PPP2R5A: variants seen among roughly 807,000 people sequenced by gnomAD.
The protein encoded by PPP2R5A is serine/threonine-protein phosphatase 2A 56 kDa regulatory subunit alpha isoform.
A neutral mutation model predicts 64.2 loss-of-function variants in PPP2R5A; 25 were observed. That is an observed-to-expected ratio of 0.39 (90% CI 0.28 to 0.54). PPP2R5A has a LOEUF of 0.54. Ranked by LOEUF, PPP2R5A falls within the 20% of genes least tolerant of loss-of-function variation. The probability of loss-of-function intolerance (pLI) is 0.67; values close to 1 mark genes in which losing one functional copy is unlikely to be tolerated. For missense variants in PPP2R5A, 425 were observed against 576.3 expected (o/e 0.74, Z 2.69); for synonymous variants, 198 against 201.2 (o/e 0.98, Z 0.13).
intron 1 of PPP2R5A, chr1:212,301,980 A>T: frequency 5.0e-6 from 7 of 1,409,196 alleles, no homozygotes; most frequent in Non-Finnish European, 6.6e-6. Context: ...TTATCCTTAA[A>T]TGTAGAGGAT....
chr1:212,354,417 G>A (rs1257778873), intron 8 of PPP2R5A, among the ~76,000 whole-genome samples: 1 of 152,092 alleles, frequency 6.6e-6, no homozygotes, highest in Non-Finnish European at 1.5e-5. Flanking sequence ...GGTTGCTCAT[G>A]TCTGTAATCC....
intron 5 of PPP2R5A, among the ~76,000 whole-genome samples, chr1:212,346,254 T>C (rs1659775646): frequency 6.6e-6 from 1 of 152,020 alleles, no homozygotes; most frequent in Non-Finnish European, 1.5e-5. Context: ...ATAGTATATA[T>C]GTGTAACATA....
At chr1:212,322,014 C>G (rs867725725) in intron 1 of PPP2R5A, among the ~76,000 whole-genome samples, 3 of 150,112 alleles carry the variant, frequency 2.0e-5, no homozygotes, top group African/African-American at 7.3e-5. Context: ...AGCGAAACCC[C>G]GTCTCCACCA....
intron 1 of PPP2R5A, among the ~76,000 whole-genome samples, chr1:212,322,533 A>T (rs1659326655): frequency 6.6e-6 from 1 of 152,132 alleles, no homozygotes; most frequent in Non-Finnish European, 1.5e-5. Flanking sequence ...TACTATAAAA[A>T]TGTTTTTGAC....
chr1:212,295,717 G>C (rs949654597), intron 1 of PPP2R5A, among the ~76,000 whole-genome samples: 2 of 152,160 alleles, frequency 1.3e-5, no homozygotes, highest in African/African-American at 4.8e-5. Context: ...TGGGGGATGG[G>C]TGGGGAAAGT....
At chr1:212,320,817 C>T (rs1454382426) in intron 1 of PPP2R5A, among the ~76,000 whole-genome samples, 5 of 139,714 alleles carry the variant, frequency 3.6e-5, no homozygotes, top group African/African-American at 5.3e-5. Context: ...GGGGGCTGAC[C>T]CCCCCACCTC....
chr1:212,339,246 C>T (rs1325322425), intron 3 of PPP2R5A, among the ~76,000 whole-genome samples: 7 of 152,254 alleles, frequency 4.6e-5, no homozygotes, highest in Middle Eastern at 3.4e-3. Context: ...GGAGTAATCT[C>T]GGCTCACTGC....
chr1:212,360,582 C>T, intron 12 of PPP2R5A, 56 bp from the exon 13 acceptor site: 1 of 1,410,324 alleles, frequency 7.1e-7, no homozygotes. Flanking sequence ...TCAAACAGCA[C>T]CTCTCTTTGG....
intron 12 of PPP2R5A, 50 bp downstream of exon 12, chr1:212,358,837 G>T: frequency 6.9e-7 from 1 of 1,454,034 alleles, no homozygotes; most frequent in South Asian, 1.2e-5. Context: ...TATGTTAGTT[G>T]AATGTGATTC....
At chr1:212,306,533 T>A (rs1658907362) in intron 1 of PPP2R5A, among the ~76,000 whole-genome samples, 2 of 152,322 alleles carry the variant, frequency 1.3e-5, no homozygotes, top group South Asian at 4.1e-4. Context: ...AACATTTACC[T>A]ATTTTTTTAA....
intron 7 of PPP2R5A, 91 bp downstream of exon 7, chr1:212,348,588 T>C: frequency 1.1e-6 from 1 of 906,976 alleles, no homozygotes; most frequent in Non-Finnish European, 1.6e-6. Context: ...GATGACAGTT[T>C]TAAGTATAAT....
intron 8 of PPP2R5A, among the ~76,000 whole-genome samples, chr1:212,353,212 C>G (rs1052000411): frequency 2.0e-5 from 3 of 152,352 alleles, no homozygotes; most frequent in African/African-American, 7.2e-5. Context: ...AGAGCCCACC[C>G]TCAGATCCTT....
chr1:212,343,478 A>G (rs2102441617), intron 4 of PPP2R5A, among the ~76,000 whole-genome samples: 1 of 152,258 alleles, frequency 6.6e-6, no homozygotes, highest in East Asian at 1.9e-4. Flanking sequence ...TTTAGAGCTG[A>G]TCTTTGGTCA....
chr1:212,360,982 TTG>T lies in PPP2R5A; in HGVS notation c.*216_*217del. 2.9e-6 allele frequency: 1 copy of T among 342,284 alleles called. No individual in the cohort carries two copies. The allele number at this position is 342,284 out of a possible 1,614,324, so 21.2% of individuals were successfully genotyped here. A position where few individuals can be genotyped will look rare whatever the true frequency, so the allele number is the denominator to read the frequency against. ...AACCTTTGTCTAATCATTGGATTTATTGTGTCACTTCTGAAGTTTCACAGAAA... is the reference window on the plus strand; with the variant it reads ...AACCTTTGTCTAATCATTGGATTTATTGTCACTTCTGAAGTTTCACAGAAA... On this transcript the variant is annotated 3_prime_UTR_variant, in exon 13 of 13. Coordinates refer to ENST00000261461, the MANE Select transcript of PPP2R5A (RefSeq NM_006243.4).
At chr1:212,300,777 A>T (rs1658786881) in intron 1 of PPP2R5A, among the ~76,000 whole-genome samples, 1 of 152,168 alleles carries the variant, frequency 6.6e-6, no homozygotes, top group Non-Finnish European at 1.5e-5. Context: ...CTTACGTTTA[A>T]TGGAAAGGAA....
intron 1 of PPP2R5A, among the ~76,000 whole-genome samples, chr1:212,309,954 G>T (rs779571091): frequency 6.6e-6 from 1 of 152,154 alleles, no homozygotes; most frequent in African/African-American, 2.4e-5. Flanking sequence ...TACCAACCTT[G>T]TTATTGTCAC....
At chr1:212,332,173 T>C (rs1659516182) in intron 2 of PPP2R5A, among the ~76,000 whole-genome samples, 1 of 152,244 alleles carries the variant, frequency 6.6e-6, no homozygotes, top group Non-Finnish European at 1.5e-5. Flanking sequence ...GTACTGACTT[T>C]GAGTTCTGGC....
chr1:212,359,148 A>G (rs1268088089), intron 12 of PPP2R5A, among the ~76,000 whole-genome samples: 1 of 152,236 alleles, frequency 6.6e-6, no homozygotes, highest in Non-Finnish European at 1.5e-5. Flanking sequence ...ATGAAATATA[A>G]TTTATGCTGA....
chr1:212,333,215 T>A (rs1049202030), intron 2 of PPP2R5A, among the ~76,000 whole-genome samples: 1 of 152,156 alleles, frequency 6.6e-6, no homozygotes, highest in Non-Finnish European at 1.5e-5. Flanking sequence ...CTCTTTCTTT[T>A]TAAGCAAAAT....
Sources: gnomAD v4.1 joint callset for allele counts (sites outside exome capture counted in the v4.1 genomes callset) on GRCh38, gnomAD v4.1.1 for gene constraint, MANE v1.5 for transcripts, NCBI Gene and HGNC (gene_info 2026-07-23, HGNC 2026-07-21) for gene names.